APOOL: variants seen among roughly 807,000 people sequenced by gnomAD.
APOOL encodes the protein MICOS complex subunit MIC27.
A neutral mutation model predicts 23.1 loss-of-function variants in APOOL; 12 were observed. The observed-to-expected ratio is 0.52, with a 90% CI of 0.33 to 0.84. The LOEUF is 0.84. Ranked by LOEUF, APOOL falls within the 40% of genes least tolerant of loss-of-function variation. The pLI is 0.02. For synonymous variants in APOOL, 77 were observed against 69.9 expected, an observed-to-expected ratio of 1.10 and a Z score of -0.51; for missense variants, 212 against 199.6, an observed-to-expected ratio of 1.06 and a Z score of -0.37.
intron 8 of APOOL, among the ~76,000 whole-genome samples, chrX:85,077,112 T>TA (rs1923886331): frequency 9.7e-6 from 1 of 103,312 alleles, no homozygotes; most frequent in Non-Finnish European, 2.0e-5. Flanking sequence ...TATATATATA[T>TA]TTTTTTAATT....
At chrX:85,004,892 C>T (rs1482916782) in intron 1 of APOOL, among the ~76,000 whole-genome samples, 4 of 111,264 alleles carry the variant, frequency 3.6e-5, no homozygotes, top group Non-Finnish European at 7.5e-5. Flanking sequence ...CTGATTTTAC[C>T]TAGACTTTCC....
intron 1 of APOOL, among the ~76,000 whole-genome samples, chrX:85,035,853 C>T (rs935868718): frequency 1.8e-5 from 2 of 111,743 alleles, no homozygotes; most frequent in Non-Finnish European, 3.8e-5. Context: ...GTTTTTGTAC[C>T]AGTACTATGC....
chrX:85,009,286 A>G (rs1052338136), intron 1 of APOOL, among the ~76,000 whole-genome samples: 3 of 111,786 alleles, frequency 2.7e-5, no homozygotes, highest in Non-Finnish European at 5.7e-5. Context: ...TTCCAGTGCT[A>G]TGTTAAATAA....
intron 1 of APOOL, among the ~76,000 whole-genome samples, chrX:85,004,821 T>A (rs1231884693): frequency 1.8e-5 from 2 of 111,212 alleles, no homozygotes; most frequent in Admixed American, 9.5e-5. Context: ...ATTTAAAAAA[T>A]TTTATGGGCA....
At chrX:85,067,414 T>C (rs1008422996) in intron 6 of APOOL, among the ~76,000 whole-genome samples, 196 bp downstream of exon 6, 1 of 111,499 alleles carries the variant, frequency 9.0e-6, no homozygotes, top group African/African-American at 3.3e-5. Flanking sequence ...TGTGTAAATA[T>C]AATTCAACAA....
At chrX:85,058,037 T>C (rs1403988093) in intron 5 of APOOL, among the ~76,000 whole-genome samples, 2 of 111,268 alleles carry the variant, frequency 1.8e-5, no homozygotes, top group African/African-American at 3.3e-5. Flanking sequence ...GACATAAATA[T>C]AATGAATCTC....
At chrX:85,023,999 G>A (rs1921757383) in intron 1 of APOOL, among the ~76,000 whole-genome samples, 1 of 111,602 alleles carries the variant, frequency 9.0e-6, no homozygotes, top group Non-Finnish European at 1.9e-5. Context: ...TGACTTTCTT[G>A]GACTTACTCG....
rs145457537 is a variant in APOOL at position 85,020,236 on chromosome X, C to T, written c.15+16309C>T. 9.8e-5 allele frequency among the ~76,000 whole-genome samples: 11 copies of T among 111,782 alleles called. No individual in the cohort carries two copies. The South Asian group carries it at 2.7e-3, about 27-fold the overall frequency. Reference sequence around the variant, plus strand: ...ATCAATTCGAAGATCCCTCCATATACGAAATGACCTTTATAGGAGCTAAGG... The same window carrying T: ...ATCAATTCGAAGATCCCTCCATATATGAAATGACCTTTATAGGAGCTAAGG... On this transcript the variant is annotated intron_variant, in intron 1 of 8. Transcript: ENST00000373173.
At chrX:85,041,851 C>T (rs1922409567) in intron 1 of APOOL, among the ~76,000 whole-genome samples, 1 of 110,630 alleles carries the variant, frequency 9.0e-6, no homozygotes, top group African/African-American at 3.3e-5. Context: ...TCCTGCCAGT[C>T]CTGGGTGGGC....
intron 3 of APOOL, 22 bp from the exon 4 acceptor site, chrX:85,054,322 C>T (rs1469177740): frequency 2.6e-6 from 3 of 1,168,871 alleles, no homozygotes; most frequent in East Asian, 3.1e-5. Context: ...CAGATGTCTT[C>T]CCCCCCTTTT....
intron 5 of APOOL, among the ~76,000 whole-genome samples, chrX:85,060,553 A>G (rs772134482): frequency 9.1e-6 from 1 of 109,971 alleles, no homozygotes; most frequent in African/African-American, 3.3e-5. Context: ...CTTTTATTTC[A>G]TTGAGCAGTG....
rs769845771 is a variant in APOOL, at chrX:85,036,335, C to T, written c.16-10111C>T. ...TTTTTCAAATATTTATTTTGTATCC[C>T]AAAACTTCGCTGGAGTTGTTTATTA... On this transcript the variant is annotated intron_variant, in intron 1 of 8. Coordinates refer to ENST00000373173, the MANE Select transcript of APOOL (RefSeq NM_198450.6). Among the ~76,000 whole-genome samples, 5 of 112,020 alleles carry T rather than the reference C, an allele frequency of 4.5e-5. No individual in the cohort carries two copies. In the East Asian group the frequency reaches 1.4e-3, roughly 31 times the overall value.
In APOOL at chrX:85,089,178, CTCA is replaced by C. The variant is rs1186134011; in HGVS notation, c.*1501_*1503del. ...CTGGAGTGCAGTGGCACAAACACAGCTCACTGCAACCTCCACCTCCCAGGATCA... is the reference window on the plus strand; with the variant it reads ...CTGGAGTGCAGTGGCACAAACACAGCCTGCAACCTCCACCTCCCAGGATCA... On this transcript the variant is annotated 3_prime_UTR_variant, in exon 9 of 9. Coordinates refer to ENST00000373173, the MANE Select transcript of APOOL (RefSeq NM_198450.6). The C allele has an allele frequency of 9.0e-6, 1 of 111,372 alleles. No individual in the cohort carries two copies. Among genetic ancestry groups the C allele is most frequent in the Non-Finnish European group, 1.9e-5 (1 of 53,136 alleles). 9.2% of individuals were successfully genotyped at this position (111,372 alleles called of 1,213,427 possible).
intron 6 of APOOL, among the ~76,000 whole-genome samples, chrX:85,069,439 G>T (rs767908303): frequency 2.2e-4 from 24 of 108,075 alleles, no homozygotes; most frequent in Non-Finnish European, 3.8e-4. Flanking sequence ...TTGAAACCCC[G>T]TCTCTAGTAA....
intron 1 of APOOL, 170 bp from the exon 2 acceptor site, chrX:85,046,276 T>G: frequency 2.4e-6 from 1 of 408,368 alleles, no homozygotes; most frequent in Admixed American, 4.9e-5. Context: ...TATGAGAAGA[T>G]AATTTTATGA....
intron 8 of APOOL, among the ~76,000 whole-genome samples, chrX:85,076,004 C>A (rs777457131): frequency 7.2e-4 from 80 of 111,347 alleles, no homozygotes; most frequent in Non-Finnish European, 1.4e-3. Flanking sequence ...CTGGTGAAGA[C>A]CCTCTTCTGG....
intron 1 of APOOL, among the ~76,000 whole-genome samples, chrX:85,005,022 T>G (rs1374450069): frequency 9.0e-6 from 1 of 111,471 alleles, no homozygotes; most frequent in Admixed American, 9.6e-5. Flanking sequence ...CCCATGCTTA[T>G]CTAGTTGTAT....
At chrX:85,035,468 G>A (rs1291192770) in intron 1 of APOOL, among the ~76,000 whole-genome samples, 1 of 111,125 alleles carries the variant, frequency 9.0e-6, no homozygotes. Flanking sequence ...GGTTCCATTT[G>A]TCAATTTTTG....
At position 85,018,746 on chromosome X, in the gene APOOL, TTC is replaced by T. The variant is rs772669939; in HGVS notation, c.15+14821_15+14822del. On this transcript the variant is annotated intron_variant, in intron 1 of 8. Coordinates refer to ENST00000373173, the MANE Select transcript of APOOL (RefSeq NM_198450.6). ...TTTTTGTTTGCTTCTTTTTGATAATTTCTGTTTCTTTGTTGAACTTGTTTTGT... is the reference window on the plus strand; with the variant it reads ...TTTTTGTTTGCTTCTTTTTGATAATTTGTTTCTTTGTTGAACTTGTTTTGT... Among the ~76,000 whole-genome samples, 37 of 111,681 alleles carry T rather than the reference TTC, an allele frequency of 3.3e-4. No homozygotes were observed. The East Asian group carries it at 8.7e-3, about 26-fold the overall frequency.
Sources: allele counts gnomAD v4.1 joint callset (sites outside exome capture counted in the v4.1 genomes callset), GRCh38; gene constraint gnomAD v4.1.1; transcripts MANE v1.5; gene names NCBI Gene and HGNC (gene_info 2026-07-23, HGNC 2026-07-21).